The following SV2C variants were observed in gnomAD, a reference collection of about 807,000 sequenced individuals.
SV2C encodes the protein solute carrier family 22 member B3.
In SV2C, 49 loss-of-function variants were observed where a neutral mutation model predicts 79.7. The ratio of observed to expected loss-of-function variants is 0.61; its 90% CI spans 0.49 to 0.78. SV2C has a LOEUF of 0.78. Among genes scored for constraint, SV2C ranks in the 30% least tolerant of loss-of-function variants. SV2C has a pLI of 0.00. For missense variants in SV2C, 833 were observed against 912.9 expected, an observed-to-expected ratio of 0.91 and a Z score of 1.13; for synonymous variants, 334 against 333.2, an observed-to-expected ratio of 1.00 and a Z score of -0.03.
At chr5:76,004,238 C>T in the SV2C span, among the ~76,000 whole-genome samples, 2 of 152,140 alleles carry the variant, frequency 1.3e-5, no homozygotes, top group African/African-American at 4.8e-5. Flanking sequence ...TAGCCAGATC[C>T]GTTTCTTAAC....
intron 4 of SV2C, among the ~76,000 whole-genome samples, chr5:76,279,636 A>G (rs80049611): frequency 0.025 from 3,873 of 152,254 alleles, 161 homozygotes; most frequent in African/African-American, 0.085. Context: ...GGAATTTGGG[A>G]ACAGCCTGTT....
the SV2C span, among the ~76,000 whole-genome samples, chr5:76,047,273 A>C: frequency 2.0e-5 from 3 of 152,180 alleles, no homozygotes. Context: ...CCCACCCTCA[A>C]GAGTAACCCA....
At chr5:76,198,564 G>T (rs1347765225) in intron 3 of SV2C, among the ~76,000 whole-genome samples, 1 of 152,056 alleles carries the variant, frequency 6.6e-6, no homozygotes. Flanking sequence ...TTCCTTTATA[G>T]CAACAAAAAT....
chr5:76,056,811 T>C, the SV2C span, among the ~76,000 whole-genome samples: 14 of 151,994 alleles, frequency 9.2e-5, no homozygotes, highest in Non-Finnish European at 8.8e-5. Flanking sequence ...GTTTATAATA[T>C]TCTCTGATGG....
chr5:75,934,916 C>CT, the SV2C span, among the ~76,000 whole-genome samples: 1 of 150,006 alleles, frequency 6.7e-6, no homozygotes, highest in East Asian at 1.9e-4. Flanking sequence ...TTACATCATC[C>CT]TTTTTTCTCT....
chr5:75,850,584 A>C, the SV2C span, among the ~76,000 whole-genome samples: 2 of 152,178 alleles, frequency 1.3e-5, no homozygotes, highest in African/African-American at 2.4e-5. Flanking sequence ...GTGTGGGTAC[A>C]TATGTAACAA....
the SV2C span, among the ~76,000 whole-genome samples, chr5:75,927,669 C>T: frequency 6.6e-6 from 1 of 152,064 alleles, no homozygotes; most frequent in African/African-American, 2.4e-5. Flanking sequence ...CAAACAATAA[C>T]AACAAACCCC....
intron 1 of SV2C, among the ~76,000 whole-genome samples, chr5:76,091,194 G>T (rs952034869): frequency 6.6e-6 from 1 of 152,168 alleles, no homozygotes; most frequent in Admixed American, 6.5e-5. Context: ...TAAGTGTAAA[G>T]TCTATTACTT....
At chr5:75,901,561 T>C in the SV2C span, among the ~76,000 whole-genome samples, 3 of 152,204 alleles carry the variant, frequency 2.0e-5, no homozygotes, top group Non-Finnish European at 4.4e-5. Flanking sequence ...GAGGGGGCAA[T>C]CTGCCCCTTC....
intron 4 of SV2C, among the ~76,000 whole-genome samples, chr5:76,213,185 AC>A (rs1330995992): frequency 6.6e-6 from 1 of 152,224 alleles, no homozygotes; most frequent in Admixed American, 6.5e-5. Context: ...GGCAAAAAAA[AC>A]ATATATTTCA....
intron 4 of SV2C, among the ~76,000 whole-genome samples, chr5:76,240,200 G>T (rs1745741170): frequency 6.6e-6 from 1 of 152,150 alleles, no homozygotes; most frequent in African/African-American, 2.4e-5. Context: ...CATAGTGTTG[G>T]TTCAGTGCCA....
At chr5:76,142,414 A>T (rs145891703) in intron 2 of SV2C, among the ~76,000 whole-genome samples, 237 of 152,338 alleles carry the variant, frequency 1.6e-3, no homozygotes, top group Non-Finnish European at 2.2e-3. Flanking sequence ...ATGTGCTTAT[A>T]GTCATAACTG....
chr5:76,231,541 C>T (rs1337091305), intron 4 of SV2C, among the ~76,000 whole-genome samples: 1 of 149,856 alleles, frequency 6.7e-6, no homozygotes, highest in Non-Finnish European at 1.5e-5. Context: ...CACCCACTAA[C>T]TCGTCATCTA....
At chr5:76,178,832 T>G (rs1269744513) in intron 2 of SV2C, among the ~76,000 whole-genome samples, 1 of 152,252 alleles carries the variant, frequency 6.6e-6, no homozygotes, top group Admixed American at 6.5e-5. Context: ...TATACTTTCT[T>G]GGGACACTCA....
intron 1 of SV2C, among the ~76,000 whole-genome samples, chr5:76,089,972 C>T (rs958038498): frequency 8.5e-5 from 13 of 152,212 alleles, no homozygotes; most frequent in African/African-American, 2.9e-4. Context: ...TTTCTTTTGT[C>T]TCCATATGTA....
chr5:76,263,340 T>G (rs1026379593), intron 4 of SV2C, among the ~76,000 whole-genome samples: 7 of 152,084 alleles, frequency 4.6e-5, no homozygotes, highest in African/African-American at 1.7e-4. Flanking sequence ...CAGCCCTTTA[T>G]TTTGAGCCTA....
At chr5:76,070,790 C>T in the SV2C span, among the ~76,000 whole-genome samples, 9 of 152,320 alleles carry the variant, frequency 5.9e-5, no homozygotes, top group Middle Eastern at 3.4e-3. Flanking sequence ...TATCTTCTAT[C>T]CACTATGCTA....
chr5:76,092,265 A>G (rs1747401635), intron 1 of SV2C, among the ~76,000 whole-genome samples: 1 of 152,190 alleles, frequency 6.6e-6, no homozygotes. Context: ...TTTGTAATTA[A>G]GGCACCAGTA....
chr5:76,250,894 C>G (rs933803185), intron 4 of SV2C, among the ~76,000 whole-genome samples: 2 of 152,036 alleles, frequency 1.3e-5, no homozygotes, highest in Non-Finnish European at 2.9e-5. Context: ...CTTGCCCTTG[C>G]CTACAAGAAG....
Sources: allele counts gnomAD v4.1 joint callset (sites outside exome capture counted in the v4.1 genomes callset), GRCh38; gene constraint gnomAD v4.1.1; transcripts MANE v1.5; gene names NCBI Gene and HGNC (gene_info 2026-07-23, HGNC 2026-07-21).